CFLAR: variants seen among roughly 807,000 people sequenced by gnomAD.
CFLAR encodes the protein CASP8 and FADD like apoptosis regulator.
A neutral mutation model predicts 51.1 loss-of-function variants in CFLAR; 14 were observed. The observed-to-expected ratio is 0.27, with a 90% confidence interval of 0.18 to 0.43. The LOEUF (loss-of-function observed/expected upper bound fraction) is 0.43, where lower values mean the gene tolerates loss of function less well. Among genes scored for constraint, CFLAR ranks in the 20% least tolerant of loss-of-function variants. The pLI, the probability that CFLAR is intolerant of heterozygous loss-of-function variation, is 1.00. For synonymous variants in CFLAR, 210 were observed against 211.6 expected, an observed-to-expected ratio of 0.99 and a Z score of 0.06; for missense variants, 390 against 566.5, an observed-to-expected ratio of 0.69 and a Z score of 3.16.
Position 201,176,068 on chromosome 2 carries a change from T to A in CFLAR, c.*12095T>A, listed in dbSNP as rs1294826801. On this transcript the variant is annotated 3_prime_UTR_variant, in exon 10 of 10. Transcript: ENST00000309955. ...GTTGCAGTGAGCCAAGAAAGTTTATTAAGCTTTAGAACAGTAAGGAAAGGA... is the reference window on the plus strand; with the variant it reads ...GTTGCAGTGAGCCAAGAAAGTTTATAAAGCTTTAGAACAGTAAGGAAAGGA... The A allele has an allele frequency of 6.6e-6, 1 of 152,274 alleles. No homozygotes were observed. Among genetic ancestry groups the A allele is most frequent in the Non-Finnish European group, 1.5e-5 (1 of 68,160 alleles). The allele number at this position is 152,274 out of a possible 1,614,324, so 9.4% of individuals were successfully genotyped here.
At chr2:201,122,000 T>G (rs2048231990) in intron 1 of CFLAR, among the ~76,000 whole-genome samples, 1 of 152,212 alleles carries the variant, frequency 6.6e-6, no homozygotes. Flanking sequence ...TTTAGATACC[T>G]AAAAAGAAGT....
At chr2:201,140,827 A>G (rs1051616133) in intron 5 of CFLAR, 1 of 157,350 alleles carries the variant, frequency 6.4e-6, no homozygotes, top group African/African-American at 2.4e-5. Context: ...TTCACTGTTC[A>G]TTTATTCACT....
chr2:201,168,603 A>G lies in CFLAR; in HGVS notation c.*4630A>G, dbSNP rs1943812898. On this transcript the variant is annotated 3_prime_UTR_variant, in exon 10 of 10. Coordinates refer to ENST00000309955, the MANE Select transcript of CFLAR (RefSeq NM_003879.7). ...TCTCACCACTCCTATTTAACATAGTATTGGAAGTTCTGGCCAAGAAAATCA... is the reference window on the plus strand; with the variant it reads ...TCTCACCACTCCTATTTAACATAGTGTTGGAAGTTCTGGCCAAGAAAATCA... 1 of 152,212 alleles carries G rather than the reference A, an allele frequency of 6.6e-6. No individual in the cohort carries two copies. Among genetic ancestry groups the G allele is most frequent in the Non-Finnish European group, 1.5e-5 (1 of 68,038 alleles). The allele number at this position is 152,212 out of a possible 1,614,324, so 9.4% of individuals were successfully genotyped here.
rs994062495 is a variant in CFLAR at position 201,138,405 on chromosome 2, C to T, written c.524-1952C>T. On this transcript the variant is annotated intron_variant, in intron 4 of 9. Coordinates refer to ENST00000309955, the MANE Select transcript of CFLAR (RefSeq NM_003879.7). This position sits in a 1 kb window ranked among gnomAD's most constrained non-coding sequence, Gnocchi z 4.0. ...AGCGCGGTGCAGGTGATAATGGCCA[C>T]CAGCTCATCGCGATCATTGACGATA... 4 of 786,302 alleles carry T rather than the reference C, an allele frequency of 5.1e-6. No homozygotes were observed. The highest frequency in any genetic ancestry group is 3.4e-5 in the African/African-American group (2 of 59,302). 48.7% of individuals were successfully genotyped at this position (786,302 alleles called of 1,614,324 possible).
At chr2:201,144,279 T>A (rs1451218665) in intron 5 of CFLAR, 1 of 152,248 alleles carries the variant, frequency 6.6e-6, no homozygotes, top group African/African-American at 2.4e-5. Flanking sequence ...ATGTGGTATG[T>A]GTATCTTACA....
chr2:201,168,232 ACT>A lies in CFLAR; in HGVS notation c.*4262_*4263del, dbSNP rs1943780537. Reference sequence around the variant, plus strand: ...ACTCCAGCCTGGGCGACAGTGCGAGACTCTGTCTCAAAAATAAATAAATAAAT... The same window carrying A: ...ACTCCAGCCTGGGCGACAGTGCGAGACTGTCTCAAAAATAAATAAATAAAT... On this transcript the variant is annotated 3_prime_UTR_variant, in exon 10 of 10. Transcript: ENST00000309955. 1 of 152,168 alleles carries A rather than the reference ACT, an allele frequency of 6.6e-6. No homozygotes were observed. The allele number at this position is 152,168 out of a possible 1,614,324, so 9.4% of individuals were successfully genotyped here.
Position 201,164,001 on chromosome 2 carries a change from C to T in CFLAR, c.*28C>T. 2 of 1,596,324 alleles carry T rather than the reference C, an allele frequency of 1.3e-6. No individual in the cohort carries two copies. Among genetic ancestry groups the T allele is most frequent in the Non-Finnish European group, 1.7e-6 (2 of 1,169,544 alleles). ...AACCAAAAGGCTGGGCGTAGTGGCT[C>T]ACACCTGTAATCCCAGCACTTTGGG... On this transcript the variant is annotated 3_prime_UTR_variant, in exon 10 of 10. Coordinates refer to ENST00000309955, the MANE Select transcript of CFLAR (RefSeq NM_003879.7).
At position 201,129,957 on chromosome 2, in the gene CFLAR, A is replaced by T; in HGVS notation, c.92A>T (p.Asp31Val). Reference sequence around the variant, plus strand: ...TTTTTGTGCCGGGATGTTGCTATAGATGTGGTTCCACCTAATGTCAGGGAC... The same window carrying T: ...TTTTTGTGCCGGGATGTTGCTATAGTTGTGGTTCCACCTAATGTCAGGGAC... ...LLFLCRDVAI[D>V]VVPPNVRDLL... The change falls in exon 2 of 10, where the codon GAT becomes GTT. Residue 31 changes from aspartate to valine, a missense_variant. This residue lies in a region of CFLAR where 103 missense variants were observed against 202.9 expected (regional missense o/e 0.51). Coordinates refer to ENST00000309955, the MANE Select transcript of CFLAR (RefSeq NM_003879.7). The T allele has an allele frequency of 6.2e-7, 1 of 1,614,138 alleles. No individual in the cohort carries two copies. The highest frequency in any genetic ancestry group is 8.5e-7 in the Non-Finnish European group (1 of 1,180,026).
chr2:201,140,493 AAT>A (rs780765040), intron 5 of CFLAR, 54 bp downstream of exon 5: 263 of 1,349,606 alleles, frequency 1.9e-4, no homozygotes, highest in Non-Finnish European at 2.6e-4. Context: ...TCAGAGTTCT[AAT>A]AAAAATATGC....
Position 201,168,887 on chromosome 2 carries a change from T to C in CFLAR, c.*4914T>C, listed in dbSNP as rs1943834442. On this transcript the variant is annotated 3_prime_UTR_variant, in exon 10 of 10. Transcript: ENST00000309955. ...CACAGTTGCTAGAAAGAGAATAAAA[T>C]ACCTAGGAATACAGCTAATAAGATG... 1 of 151,904 alleles carries C rather than the reference T, an allele frequency of 6.6e-6. No homozygotes were observed. Among genetic ancestry groups the C allele is most frequent in the South Asian group, 2.1e-4 (1 of 4,826 alleles). The allele number at this position is 151,904 out of a possible 1,614,324, so 9.4% of individuals were successfully genotyped here.
intron 5 of CFLAR, chr2:201,144,165 C>T (rs1251828065): frequency 2.0e-5 from 3 of 152,210 alleles, no homozygotes; most frequent in Non-Finnish European, 4.4e-5. Flanking sequence ...ACAGACTTAG[C>T]TACTGACACA....
chr2:201,130,353 CTTTTTTTTTTTTTT>C (rs771361555), intron 2 of CFLAR, among the ~76,000 whole-genome samples: 2 of 92,298 alleles, frequency 2.2e-5, no homozygotes, highest in Admixed American at 1.1e-4. Flanking sequence ...TTCTTTCTTT[CTTTTTTTTTTTTTT>C]TTTTTTTTTT....
intron 6 of CFLAR, 58 bp downstream of exon 6, chr2:201,145,490 A>C (rs1939943771): frequency 9.1e-7 from 1 of 1,097,008 alleles, no homozygotes; most frequent in African/African-American, 1.6e-5. Context: ...TTCTAGTACA[A>C]ATATTGCATT....
intron 9 of CFLAR, chr2:201,162,619 T>G: frequency 4.9e-6 from 1 of 205,894 alleles, no homozygotes; most frequent in South Asian, 1.0e-4. Flanking sequence ...CTTGACAGAT[T>G]TGGCATCCTT....
chr2:201,161,919 G>T (rs973602565), intron 9 of CFLAR, among the ~76,000 whole-genome samples: 2 of 151,322 alleles, frequency 1.3e-5, no homozygotes, highest in Admixed American at 1.3e-4. Context: ...GCTAATTTTT[G>T]TATTTTTAGT....
chr2:201,137,684 G>A (rs189033349), intron 4 of CFLAR: 153 of 761,222 alleles, frequency 2.0e-4, no homozygotes, highest in Middle Eastern at 1.4e-3. Context: ...CCACTATGAG[G>A]TAGGGCACGA....
intron 2 of CFLAR, 141 bp from the exon 3 acceptor site, chr2:201,132,888 C>CTGTTTTATGAGGGAGGGACATATTT: frequency 1.4e-6 from 1 of 726,466 alleles, no homozygotes. Context: ...TCTAGGCTTG[C>CTGTTTTATGAGGGAGGGACATATTT]TGTTTTATGA....
chr2:201,158,871 A>G (rs1412555441), intron 8 of CFLAR, among the ~76,000 whole-genome samples: 2 of 148,406 alleles, frequency 1.3e-5, no homozygotes, highest in African/African-American at 4.9e-5. Context: ...TATTATTATT[A>G]TTATTATTAT....
intron 2 of CFLAR, among the ~76,000 whole-genome samples, chr2:201,130,805 A>T (rs1050274828): frequency 2.0e-5 from 3 of 152,216 alleles, no homozygotes; most frequent in African/African-American, 7.2e-5. Flanking sequence ...AGCCTCTGAC[A>T]GTGTGAGATC....
Sources: allele counts gnomAD v4.1 joint callset (sites outside exome capture counted in the v4.1 genomes callset), GRCh38; gene constraint gnomAD v4.1.1; regional missense constraint gnomAD v4.1.1; non-coding constraint Gnocchi (gnomAD v3.1); transcripts MANE v1.5; gene names NCBI Gene and HGNC (gene_info 2026-07-23, HGNC 2026-07-21).